Variants in DLG2 observed in about 807,000 individuals in gnomAD.
DLG2 encodes disks large homolog 2.
Under a neutral mutation model 132.5 loss-of-function variants are expected in DLG2, and 45 were observed. That is an observed-to-expected ratio of 0.34 (90% CI 0.27 to 0.44). DLG2 has a LOEUF of 0.44. Among genes scored for constraint, DLG2 ranks in the 20% least tolerant of loss-of-function variants. The pLI is 1.00. For missense variants in DLG2, 1,045 were observed against 1,196.9 expected (o/e 0.87, Z 1.87); for synonymous variants, 424 against 419.6 (o/e 1.01, Z -0.13).
chr11:85,009,552 T>C (rs1592625865), intron 6 of DLG2, among the ~76,000 whole-genome samples: 1 of 152,120 alleles, frequency 6.6e-6, no homozygotes, highest in Admixed American at 6.6e-5. Flanking sequence ...TGGAAAGATA[T>C]GAATTGTAAA....
chr11:83,940,051 C>A (rs115027255), intron 14 of DLG2, among the ~76,000 whole-genome samples: 1 of 152,202 alleles, frequency 6.6e-6, no homozygotes, highest in Non-Finnish European at 1.5e-5. Context: ...GTGCCTGTTA[C>A]TGTAAACAGG....
At chr11:83,797,343 C>T (rs1369447561) in intron 17 of DLG2, among the ~76,000 whole-genome samples, 1 of 152,042 alleles carries the variant, frequency 6.6e-6, no homozygotes. Context: ...ATTCCCTTAG[C>T]CCTCATAACA....
intron 9 of DLG2, among the ~76,000 whole-genome samples, chr11:84,107,999 G>T (rs1425091701): frequency 1.3e-5 from 2 of 152,108 alleles, no homozygotes; most frequent in African/African-American, 4.8e-5. Context: ...TGAAAGGGAT[G>T]ATTTGGTTGC....
rs570526828 is a variant in DLG2, at chr11:84,850,066, TA to T, written c.357+261594del. Among the ~76,000 whole-genome samples the T allele has an allele frequency of 2.4e-3, 366 of 152,226 alleles. 1 individual carries two copies. Among genetic ancestry groups the T allele is most frequent in the African/African-American group, 8.2e-3 (339 of 41,540 alleles). ...TGACTGATTAAAAATTCCTTGATGGTAAAAAACCATGTTATTTCTGACTAAT... is the reference window on the plus strand; with the variant it reads ...TGACTGATTAAAAATTCCTTGATGGTAAAAACCATGTTATTTCTGACTAAT... On this transcript the variant is annotated intron_variant, in intron 6 of 27. Coordinates refer to ENST00000376104, the MANE Select transcript of DLG2 (RefSeq NM_001142699.3).
intron 6 of DLG2, among the ~76,000 whole-genome samples, chr11:85,110,453 C>A (rs1279335602): frequency 6.6e-6 from 1 of 151,808 alleles, no homozygotes; most frequent in Non-Finnish European, 1.5e-5. Context: ...AGAAAAACCA[C>A]ATCCTTTCTC....
intron 11 of DLG2, among the ~76,000 whole-genome samples, chr11:83,995,318 G>C (rs1197344853): frequency 1.3e-5 from 2 of 152,240 alleles, no homozygotes; most frequent in Middle Eastern, 3.4e-3. Flanking sequence ...AGGAGATAAT[G>C]ACAGTCAAGT....
Position 84,762,277 on chromosome 11 carries a change from T to A in DLG2, c.358-227546A>T, listed in dbSNP as rs1245913154. ...TATTAAGAATACACAATTTTTGACA[T>A]CTTAAGTCTTCATATATTTCCTTTT... On this transcript the variant is annotated intron_variant, in intron 6 of 27. Coordinates refer to ENST00000376104, the MANE Select transcript of DLG2 (RefSeq NM_001142699.3). 2.6e-5 allele frequency: 4 copies of A among 152,320 alleles called. No individual in the cohort carries two copies. The South Asian group carries it at 8.3e-4, about 32-fold the overall frequency. The allele number at this position is 152,320 out of a possible 1,614,324, so 9.4% of individuals were successfully genotyped here.
intron 6 of DLG2, among the ~76,000 whole-genome samples, chr11:85,099,159 C>A (rs568063324): frequency 6.6e-6 from 1 of 152,336 alleles, no homozygotes; most frequent in Admixed American, 6.5e-5. Context: ...AGAGCTCCTG[C>A]GTAGCTGGAG....
intron 3 of DLG2, among the ~76,000 whole-genome samples, chr11:85,392,384 T>C (rs1398355295): frequency 1.3e-5 from 2 of 150,428 alleles, no homozygotes; most frequent in Non-Finnish European, 3.0e-5. Context: ...ATGAATTCAA[T>C]GCAATTCCTA....
chr11:84,491,095 T>C (rs919958391), intron 7 of DLG2, among the ~76,000 whole-genome samples: 1 of 151,810 alleles, frequency 6.6e-6, no homozygotes. Context: ...ATCTAAATAA[T>C]AGGAAGAGGT....
intron 6 of DLG2, among the ~76,000 whole-genome samples, chr11:84,806,330 G>A (rs2075994355): frequency 6.6e-6 from 1 of 152,096 alleles, no homozygotes; most frequent in Non-Finnish European, 1.5e-5. Flanking sequence ...TCAAGAAGCT[G>A]AGCAAAACCC....
At chr11:84,083,674 C>T (rs2154158630) in intron 10 of DLG2, among the ~76,000 whole-genome samples, 1 of 152,210 alleles carries the variant, frequency 6.6e-6, no homozygotes, top group South Asian at 2.1e-4. Flanking sequence ...CTGCTTCTGC[C>T]CTGCCCTTTC....
intron 7 of DLG2, among the ~76,000 whole-genome samples, chr11:84,346,409 T>C (rs1028332818): frequency 1.3e-5 from 2 of 152,368 alleles, no homozygotes; most frequent in Middle Eastern, 3.4e-3. Context: ...TACATGTTTA[T>C]GAAAGTTAGC....
chr11:85,563,671 G>A (rs187136780), intron 3 of DLG2, among the ~76,000 whole-genome samples: 1 of 151,956 alleles, frequency 6.6e-6, no homozygotes, highest in East Asian at 1.9e-4. Context: ...TTTTATTGCT[G>A]GATAATATTC....
intron 7 of DLG2, among the ~76,000 whole-genome samples, chr11:84,413,707 A>G (rs928197795): frequency 2.0e-4 from 30 of 152,338 alleles, no homozygotes; most frequent in African/African-American, 7.2e-4. Flanking sequence ...ACCTGCTGAC[A>G]TCAGCTATCA....
At chr11:84,660,228 A>G (rs1477510222) in intron 6 of DLG2, among the ~76,000 whole-genome samples, 1 of 152,128 alleles carries the variant, frequency 6.6e-6, no homozygotes, top group Non-Finnish European at 1.5e-5. Flanking sequence ...ACCAGGCATC[A>G]TATTCTAAGA....
chr11:84,073,436 A>AT (rs924204454), intron 10 of DLG2, among the ~76,000 whole-genome samples: 1 of 152,200 alleles, frequency 6.6e-6, no homozygotes, highest in African/African-American at 2.4e-5. Flanking sequence ...TGAGAGATAT[A>AT]TGTAATCCGC....
intron 7 of DLG2, among the ~76,000 whole-genome samples, chr11:84,502,212 T>TCTC (rs1567803439): frequency 0.084 from 248 of 2,944 alleles, 67 homozygotes; most frequent in Middle Eastern, 0.33. Context: ...CCTTCCTTCC[T>TCTC]TCCTTCCTTC....
chr11:84,138,582 C>G (rs1362337925), intron 9 of DLG2, among the ~76,000 whole-genome samples: 3 of 152,122 alleles, frequency 2.0e-5, no homozygotes, highest in East Asian at 1.9e-4. Context: ...ATAAATAGTT[C>G]TCACAAAATA....
Sources: allele counts gnomAD v4.1 joint callset (sites outside exome capture counted in the v4.1 genomes callset), GRCh38; gene constraint gnomAD v4.1.1; transcripts MANE v1.5; gene names NCBI Gene and HGNC (gene_info 2026-07-23, HGNC 2026-07-21).